Variants in GNA14 observed in about 807,000 individuals in gnomAD.
The protein encoded by GNA14 is guanine nucleotide-binding protein subunit alpha-14.
Under a neutral mutation model 42.0 loss-of-function variants are expected in GNA14, and 50 were observed. The observed-to-expected ratio is 1.19, with a 90% CI of 0.95 to 1.51. The LOEUF (loss-of-function observed/expected upper bound fraction) is 1.51, where lower values mean the gene tolerates loss of function less well. Ranked by LOEUF, GNA14 falls within the 40% of genes most tolerant of loss-of-function variation. The pLI is 0.00. For missense variants in GNA14, 473 were observed against 446.2 expected (o/e 1.06, Z -0.54); for synonymous variants, 173 against 163.1 (o/e 1.06, Z -0.46).
At chr9:77,555,708 A>G (rs1822763411) in intron 1 of GNA14, among the ~76,000 whole-genome samples, 1 of 152,238 alleles carries the variant, frequency 6.6e-6, no homozygotes, top group Admixed American at 6.5e-5. Flanking sequence ...TCCACAAGGT[A>G]ACATGCACGA....
intron 2 of GNA14, among the ~76,000 whole-genome samples, chr9:77,488,676 C>T (rs1836701039): frequency 1.3e-5 from 2 of 150,872 alleles, no homozygotes; most frequent in Non-Finnish European, 2.9e-5. Context: ...TTGAGAAAAG[C>T]TTGGGCTCAA....
Position 77,621,785 on chromosome 9 carries a change from T to C in GNA14, c.124+25885A>G, listed in dbSNP as rs910146392. On this transcript the variant is annotated intron_variant, in intron 1 of 6. Transcript: ENST00000341700. The stretch of plus-strand genomic sequence containing the variant: ...ATTAAAAGGGATGATTTCGTCGACT[T>C]TTAGGCATTTTAGAACAAAGAAGCC... Among the ~76,000 whole-genome samples, 15 of 152,212 alleles carry C rather than the reference T, an allele frequency of 9.9e-5. No homozygotes were observed. In the East Asian group the frequency reaches 2.7e-3, roughly 27 times the overall value.
chr9:77,509,238 A>G (rs1160808497), intron 2 of GNA14, among the ~76,000 whole-genome samples: 3 of 152,252 alleles, frequency 2.0e-5, no homozygotes, highest in South Asian at 2.1e-4. Context: ...ATCACTGAGC[A>G]TACTTTCAAA....
intron 2 of GNA14, among the ~76,000 whole-genome samples, chr9:77,472,126 G>A (rs1049312817): frequency 6.6e-6 from 1 of 152,132 alleles, no homozygotes; most frequent in Non-Finnish European, 1.5e-5. Context: ...CACCAGCTCT[G>A]TCACTAAGCC....
chr9:77,583,801 TG>T (rs1241945093), intron 1 of GNA14, among the ~76,000 whole-genome samples: 4 of 152,242 alleles, frequency 2.6e-5, no homozygotes, highest in African/African-American at 9.6e-5. Flanking sequence ...GGGTGTGGTC[TG>T]CAAGTCAGCA....
Position 77,428,923 on chromosome 9 carries a change from G to T in GNA14, c.707C>A (p.Ala236Asp). Residue 236 changes from alanine to aspartate, a missense_variant, in exon 5 of 7, where the codon GCT (alanine) becomes GAT (aspartate). Physicochemically the swap from Ala to Asp is moderately radical, Grantham distance 126. Transcript: ENST00000341700. ...CCAGCATACCTCGTTGTCACACTCAGCCAGGACCTGGTCATATTCACTCAG... is the reference window on the plus strand; with the variant it reads ...CCAGCATACCTCGTTGTCACACTCATCCAGGACCTGGTCATATTCACTCAG... ...VALSEYDQVL[A>D]ECDNENRMEE... is the part of the protein sequence containing the mutation. 1 of 1,613,762 alleles carries T rather than the reference G, an allele frequency of 6.2e-7. No homozygotes were observed. Among genetic ancestry groups the T allele is most frequent in the Non-Finnish European group, 8.5e-7 (1 of 1,179,822 alleles).
At chr9:77,645,720 A>C (rs1824340925) in intron 1 of GNA14, among the ~76,000 whole-genome samples, 1 of 152,220 alleles carries the variant, frequency 6.6e-6, no homozygotes, top group Admixed American at 6.5e-5. Context: ...ATTTTACATC[A>C]AACAGGCTTA....
chr9:77,590,094 T>G (rs1823368719), intron 1 of GNA14, among the ~76,000 whole-genome samples: 1 of 152,094 alleles, frequency 6.6e-6, no homozygotes, highest in African/African-American at 2.4e-5. Flanking sequence ...TTTTTGCATT[T>G]TTAGTAGAGA....
intron 1 of GNA14, among the ~76,000 whole-genome samples, chr9:77,560,825 T>C (rs1822870001): frequency 6.6e-6 from 1 of 152,160 alleles, no homozygotes; most frequent in African/African-American, 2.4e-5. Flanking sequence ...TTATTTTCTA[T>C]TTCCTCCAAG....
intron 1 of GNA14, among the ~76,000 whole-genome samples, chr9:77,640,886 A>AAC (rs570893699): frequency 0.029 from 4,260 of 145,432 alleles, 332 homozygotes; most frequent in East Asian, 0.22. Context: ...AAAAAAAAAA[A>AAC]AAAAAACAAC....
At chr9:77,543,917 G>A (rs10125292) in intron 1 of GNA14, among the ~76,000 whole-genome samples, 7,544 of 152,214 alleles carry the variant, frequency 0.05, 574 homozygotes, top group African/African-American at 0.17. Flanking sequence ...TTCAAATGCA[G>A]TGAGGCTACA....
At chr9:77,528,997 G>A in intron 2 of GNA14, 72 bp downstream of exon 2, 2 of 1,280,432 alleles carry the variant, frequency 1.6e-6, no homozygotes, top group South Asian at 1.2e-5. Context: ...AAGCACTGAG[G>A]GAATCTTTGT....
chr9:77,515,977 A>AAAAAAAAAAAAC (rs1280714289), intron 2 of GNA14, among the ~76,000 whole-genome samples: 1 of 148,320 alleles, frequency 6.7e-6, no homozygotes, highest in Admixed American at 6.7e-5. Flanking sequence ...AAAAAAAAAA[A>AAAAAAAAAAAAC]AAAAAACCCA....
At chr9:77,614,555 A>G (rs1823780562) in intron 1 of GNA14, among the ~76,000 whole-genome samples, 1 of 152,198 alleles carries the variant, frequency 6.6e-6, no homozygotes, top group Non-Finnish European at 1.5e-5. Flanking sequence ...TGAAACGCCA[A>G]CAAGGAGATG....
intron 1 of GNA14, among the ~76,000 whole-genome samples, chr9:77,545,432 T>G (rs919042810): frequency 1.3e-5 from 2 of 152,192 alleles, no homozygotes; most frequent in Admixed American, 6.5e-5. Context: ...GAAATTCAGA[T>G]GGAAATATAT....
chr9:77,606,558 G>A (rs542828417), intron 1 of GNA14, among the ~76,000 whole-genome samples: 1 of 152,282 alleles, frequency 6.6e-6, no homozygotes, highest in South Asian at 2.1e-4. Flanking sequence ...GTGTTTAGAT[G>A]CTATGTCTCA....
intron 1 of GNA14, among the ~76,000 whole-genome samples, chr9:77,624,742 T>C (rs1446634217): frequency 6.6e-6 from 1 of 151,706 alleles, no homozygotes; most frequent in Non-Finnish European, 1.5e-5. Flanking sequence ...AGAAACCCCA[T>C]CCAAAGGTCA....
chr9:77,428,789 G>T, intron 5 of GNA14, 118 bp downstream of exon 5: 2 of 993,044 alleles, frequency 2.0e-6, no homozygotes, highest in Non-Finnish European at 3.0e-6. Context: ...GTCACACTTT[G>T]AGTAGCAAGA....
At chr9:77,475,273 T>G (rs536200267) in intron 2 of GNA14, among the ~76,000 whole-genome samples, 86 of 152,174 alleles carry the variant, frequency 5.7e-4, no homozygotes, top group Non-Finnish European at 1.1e-3. Context: ...TTTGTTCAAC[T>G]GGTAATCACC....
Sources: gnomAD v4.1 joint callset for allele counts (sites outside exome capture counted in the v4.1 genomes callset) on GRCh38, gnomAD v4.1.1 for gene constraint, MANE v1.5 for transcripts, NCBI Gene and HGNC (gene_info 2026-07-23, HGNC 2026-07-21) for gene names.